OXA1L: variants seen among roughly 807,000 people sequenced by gnomAD.
OXA1L encodes the protein mitochondrial inner membrane protein OXA1L.
A neutral mutation model predicts 52.2 loss-of-function variants in OXA1L; 42 were observed. The ratio of observed to expected loss-of-function variants is 0.80; its 90% CI spans 0.63 to 1.04. The LOEUF (loss-of-function observed/expected upper bound fraction) is 1.04. OXA1L is among the 50% of genes least tolerant of loss of function. OXA1L has a pLI of 0.00. For synonymous variants in OXA1L, 239 were observed against 201.9 expected, an observed-to-expected ratio of 1.18 and a Z score of -1.56; for missense variants, 572 against 555.0, an observed-to-expected ratio of 1.03 and a Z score of -0.31.
At position 22,767,980 on chromosome 14, in the gene OXA1L, C is replaced by G; in HGVS notation, c.248C>G (p.Ala83Gly). The part of the protein sequence containing the change: ...EVQVQAPPVV[A>G]ATPSPTAVPE... Reference sequence around the variant, plus strand: ...CAGGTTCAGGCCCCTCCTGTTGTTGCTGCAACTCCCTCACCCACAGCAGTA... The same window carrying G: ...CAGGTTCAGGCCCCTCCTGTTGTTGGTGCAACTCCCTCACCCACAGCAGTA... The change falls in exon 3 of 10, where the codon GCT (alanine) becomes GGT (glycine). Residue 83 changes from alanine (A) to glycine (G), a missense_variant. Ala to Gly is a moderately conservative substitution (Grantham distance 60). Around this residue, in one of 5 missense-constraint regions of OXA1L, gnomAD observed 186 missense variants for 151.8 expected, o/e 1.23. Transcript: ENST00000612549. 6.2e-7 allele frequency: 1 copy of G among 1,612,760 alleles called. No individual in the cohort carries two copies. Among genetic ancestry groups the G allele is most frequent in the Non-Finnish European group, 8.5e-7 (1 of 1,178,830 alleles).
intron 2 of OXA1L, 74 bp from the exon 3 acceptor site, chr14:22,767,884 G>A (rs894013657): frequency 8.5e-7 from 1 of 1,173,532 alleles, no homozygotes; most frequent in East Asian, 2.4e-5. Flanking sequence ...CCCAGTACTG[G>A]TTATTATAAA....
intron 3 of OXA1L, among the ~76,000 whole-genome samples, chr14:22,769,308 G>C (rs565120947): frequency 6.6e-6 from 1 of 152,090 alleles, no homozygotes; most frequent in African/African-American, 2.4e-5. Flanking sequence ...GGCGATGTTC[G>C]TCTTTCTGTG....
intron 5 of OXA1L, 66 bp downstream of exon 5, chr14:22,770,344 G>A: frequency 6.6e-7 from 1 of 1,522,112 alleles, no homozygotes; most frequent in South Asian, 1.1e-5. Context: ...TGTGTTTCAT[G>A]TGTCCCAGGT....
Position 22,769,924 on chromosome 14 carries a change from C to A in OXA1L, c.573C>A (p.Asp191Glu), listed in dbSNP as rs1566434563. 1 of 1,614,084 alleles carries A rather than the reference C, an allele frequency of 6.2e-7. No homozygotes were observed. Among genetic ancestry groups the A allele is most frequent in the Non-Finnish European group, 8.5e-7 (1 of 1,180,002 alleles). The change falls in exon 4 of 10, where the codon GAC (aspartate) becomes GAA (glutamate). Residue 191 changes from aspartate to glutamate, a missense_variant. This residue lies in a region of OXA1L where 132 missense variants were observed against 124.0 expected (regional missense o/e 1.06). Transcript: ENST00000612549. The part of the protein sequence containing the change: ...SRIREAKLAG[D>E]HIEYYKASSE... ...TCAGAGAGGCCAAGTTAGCAGGAGA[C>A]CATATTGAGTGTGAGTCAGTTGCAG...
chr14:22,768,191 G>A lies in OXA1L; in HGVS notation c.439+20G>A. 6.3e-7 allele frequency: 1 copy of A among 1,588,818 alleles called. No homozygotes were observed. The highest frequency in any genetic ancestry group is 8.6e-7 in the Non-Finnish European group (1 of 1,156,938). Reference sequence around the variant, plus strand: ...CTGCATGTAAGGGGAATATACCCTGGACATGGGTTAGGGATTTAACCTCAT... The same window carrying A: ...CTGCATGTAAGGGGAATATACCCTGAACATGGGTTAGGGATTTAACCTCAT... On this transcript the variant is annotated intron_variant, in intron 3 of 9. Coordinates refer to ENST00000612549, the MANE Select transcript of OXA1L (RefSeq NM_005015.5).
intron 3 of OXA1L, chr14:22,769,035 G>A (rs1361105132): frequency 6.6e-6 from 1 of 152,140 alleles, no homozygotes; most frequent in Non-Finnish European, 1.5e-5. Flanking sequence ...CGATTCTCAT[G>A]TCTCAGCCTC....
At position 22,767,417 on chromosome 14, in the gene OXA1L, G is replaced by A. The variant is rs75618032; in HGVS notation, c.225+8G>A. ...TCTTTTGCAGAAGTCCAGGTAAGAG[G>A]CCTTTCGTTCCTGCAATATTAGGAG... On this transcript the variant is annotated splice_region_variant and intron_variant, in intron 2 of 9. Transcript: ENST00000612549. The A allele has an allele frequency of 2.5e-6, 4 of 1,588,142 alleles. No homozygotes were observed. Among genetic ancestry groups the A allele is most frequent in the South Asian group, 1.1e-5 (1 of 87,694 alleles).
chr14:22,768,470 G>T, intron 3 of OXA1L: 4 of 370,612 alleles, frequency 1.1e-5, no homozygotes, highest in South Asian at 3.1e-5. Context: ...CAGAGGTTCA[G>T]GTCAGGCACT....
Position 22,771,318 on chromosome 14 carries a change from A to G in OXA1L, c.1153A>G (p.Met385Val). 1.9e-6 allele frequency: 3 copies of G among 1,614,240 alleles called. No homozygotes were observed. The highest frequency in any genetic ancestry group is 2.5e-6 in the Non-Finnish European group (3 of 1,180,012). The change falls in exon 9 of 10, where the codon ATG (methionine) becomes GTG (valine). Residue 385 changes from methionine to valine, a missense_variant. Met to Val is a conservative substitution (Grantham distance 21). Coordinates refer to ENST00000612549, the MANE Select transcript of OXA1L (RefSeq NM_005015.5). ...TCAGCTGCGAGAGCGTGAACAACGCATGCGGAATCAGTTGGAGCTAGCAGC... is the reference window on the plus strand; with the variant it reads ...TCAGCTGCGAGAGCGTGAACAACGCGTGCGGAATCAGTTGGAGCTAGCAGC... ...TRQLREREQR[M>V]RNQLELAARG...
At position 22,771,482 on chromosome 14, in the gene OXA1L, A is replaced by G; in HGVS notation, c.1232A>G (p.Lys411Arg). 6.2e-7 allele frequency: 1 copy of G among 1,612,958 alleles called. No individual in the cohort carries two copies. The highest frequency in any genetic ancestry group is 8.5e-7 in the Non-Finnish European group (1 of 1,179,648). The change falls in exon 10 of 10, where the codon AAG becomes AGG. Residue 411 changes from lysine to arginine, a missense_variant. Around this residue, in one of 5 missense-constraint regions of OXA1L, gnomAD observed 244 missense variants for 240.2 expected, o/e 1.02. Coordinates refer to ENST00000612549, the MANE Select transcript of OXA1L (RefSeq NM_005015.5). ...CACAACCCTCTCCTACAACCTGGAA[A>G]GGATAACCCTCCCAATATCCCTAGC... ...FTHNPLLQPG[K>R]DNPPNIPSSS...
chr14:22,768,212 C>A, intron 3 of OXA1L, 41 bp downstream of exon 3: 1 of 1,486,632 alleles, frequency 6.7e-7, no homozygotes, highest in Non-Finnish European at 9.4e-7. Flanking sequence ...GGGATTTAAC[C>A]TCATAGATGG....
At chr14:22,767,484 G>A in intron 2 of OXA1L, 75 bp downstream of exon 2, 1 of 1,341,250 alleles carries the variant, frequency 7.5e-7, no homozygotes, top group Admixed American at 2.2e-5. Context: ...TTGTTTGGGA[G>A]CAGGGGGAAT....
At position 22,771,333 on chromosome 14, in the gene OXA1L, G is replaced by A. The variant is rs745489779; in HGVS notation, c.1168G>A (p.Glu390Lys). ...EREQRMRNQL[E>K]LAARGPLRQT... ...TGAACAACGCATGCGGAATCAGTTG[G>A]AGCTAGCAGCCAGGGGTAAATAGTC... Residue 390 changes from glutamate (E) to lysine (K), a missense_variant, in exon 9 of 10, where the codon GAG (glutamate) becomes AAG (lysine). Physicochemically the swap from Glu to Lys is moderately conservative, Grantham distance 56. Around this residue, in one of 5 missense-constraint regions of OXA1L, gnomAD observed 244 missense variants for 240.2 expected, o/e 1.02. Coordinates refer to ENST00000612549, the MANE Select transcript of OXA1L (RefSeq NM_005015.5). 7 of 1,614,176 alleles carry A rather than the reference G, an allele frequency of 4.3e-6. No individual in the cohort carries two copies. In the Admixed American group the frequency reaches 1.2e-4, roughly 27 times the overall value.
In OXA1L at chr14:22,766,765, G is replaced by C. The variant is rs773889671; in HGVS notation, c.63+1G>C. The C allele has an allele frequency of 2.5e-6, 4 of 1,614,186 alleles. No individual in the cohort carries two copies. Among genetic ancestry groups the C allele is most frequent in the Non-Finnish European group, 3.4e-6 (4 of 1,180,034 alleles). On this transcript the variant is annotated splice_donor_variant, in intron 1 of 9. Coordinates refer to ENST00000612549, the MANE Select transcript of OXA1L (RefSeq NM_005015.5). LOFTEE classifies it high-confidence loss of function. ...GCGCTTGCTACAGTCCGGGCGTCGG[G>C]TAAGGATGCCCCGGGGCAGAGCACC...
chr14:22,767,372 G>T lies in OXA1L; in HGVS notation c.188G>T (p.Ser63Ile), dbSNP rs561401014. ...YLFLAASGPR[S>I]LSTSAISFAE... ...TTCCTTGCGGCTTCCGGCCCCCGCA[G>T]CCTCAGTACCTCTGCTATCTCTTTT... Residue 63 changes from serine to isoleucine, a missense_variant, in exon 2 of 10, where the codon AGC (serine) becomes ATC (isoleucine). By Grantham distance (142) the Ser-to-Ile change is moderately radical. Coordinates refer to ENST00000612549, the MANE Select transcript of OXA1L (RefSeq NM_005015.5). The T allele has an allele frequency of 6.2e-7, 1 of 1,613,664 alleles. No homozygotes were observed. Among genetic ancestry groups the T allele is most frequent in the East Asian group, 2.2e-5 (1 of 44,866 alleles).
At position 22,770,489 on chromosome 14, in the gene OXA1L, C is replaced by T; in HGVS notation, c.698C>T (p.Ala233Val). 1 of 1,614,114 alleles carries T rather than the reference C, an allele frequency of 6.2e-7. No homozygotes were observed. Among genetic ancestry groups the T allele is most frequent in the South Asian group, 1.1e-5 (1 of 91,088 alleles). ...QAPIFISFFI[A>V]LREMANLPVP... ...CCAATCTTCATCTCCTTCTTCATTG[C>T]TTTGAGAGAGATGGCCAACCTTCCT... The change falls in exon 6 of 10, where the codon GCT (alanine) becomes GTT (valine). Residue 233 changes from alanine to valine, a missense_variant. Transcript: ENST00000612549.
chr14:22,767,793 T>C, intron 2 of OXA1L, 165 bp from the exon 3 acceptor site: 1 of 563,946 alleles, frequency 1.8e-6, no homozygotes, highest in Non-Finnish European at 3.1e-6. Flanking sequence ...TAACTATTGA[T>C]AAAAATGAGA....
rs2038485389 is a variant in OXA1L, at chr14:22,772,486, CTCAAAAAAAAAAAAA to C, written c.*929_*943del. 3 of 31,802 alleles carry C rather than the reference CTCAAAAAAAAAAAAA, an allele frequency of 9.4e-5. No individual in the cohort carries two copies. The highest frequency in any genetic ancestry group is 1.9e-3 in the South Asian group (1 of 516). 2.0% of individuals were successfully genotyped at this position (31,802 alleles called of 1,614,324 possible). On this transcript the variant is annotated 3_prime_UTR_variant, in exon 10 of 10. Transcript: ENST00000612549. Reference sequence around the variant, plus strand: ...CCTGGGCAAGAGAGTGAGACTCCTTCTCAAAAAAAAAAAAAAAAAAAAAAAAAAAAAAACAGTTTA... The same window carrying C: ...CCTGGGCAAGAGAGTGAGACTCCTTCAAAAAAAAAAAAAAAAAACAGTTTA...
chr14:22,767,578 G>C (rs2038420554), intron 2 of OXA1L, 169 bp downstream of exon 2: 1 of 586,510 alleles, frequency 1.7e-6, no homozygotes. Context: ...AATTCAGTGG[G>C]GAAATGATTG....
Sources: allele counts gnomAD v4.1 joint callset (sites outside exome capture counted in the v4.1 genomes callset), GRCh38; gene constraint gnomAD v4.1.1; regional missense constraint gnomAD v4.1.1; transcripts MANE v1.5; gene names NCBI Gene and HGNC (gene_info 2026-07-23, HGNC 2026-07-21).